The following PCDHGC4 variants were observed in gnomAD, a reference collection of about 807,000 sequenced individuals.
The protein encoded by PCDHGC4 is protocadherin gamma subfamily C, 4.
In PCDHGC4, 15 loss-of-function variants were observed where a neutral mutation model predicts 59.7. The observed-to-expected ratio is 0.25, with a 90% confidence interval of 0.17 to 0.39. The LOEUF is 0.39. PCDHGC4 is among the 10% of genes least tolerant of loss of function. PCDHGC4 has a pLI of 1.00. For missense variants in PCDHGC4, 1,016 were observed against 1,189.5 expected, an observed-to-expected ratio of 0.85 and a Z score of 2.15; for synonymous variants, 434 against 481.4, an observed-to-expected ratio of 0.90 and a Z score of 1.29.
chr5:141,487,404 C>A lies in PCDHGC4; in HGVS notation c.2231C>A (p.Pro744His), dbSNP rs771371344. 1.2e-6 allele frequency: 2 copies of A among 1,614,178 alleles called. No homozygotes were observed. Among genetic ancestry groups the A allele is most frequent in the Non-Finnish European group, 1.7e-6 (2 of 1,180,032 alleles). ...LTRSRRREGLPPSNGILRIQL... is the reference protein window; with the variant it reads ...LTRSRRREGLHPSNGILRIQL... ...AGATCTCGAAGGAGGGAGGGGCTTC[C>A]CCCTTCCAATGGGATCCTCCGAATC... is the stretch of plus-strand genomic sequence containing the variant. The change falls in exon 1 of 4, where the codon CCC becomes CAC. Residue 744 changes from proline to histidine, a missense_variant. Coordinates refer to ENST00000306593, the MANE Select transcript of PCDHGC4 (RefSeq NM_018928.3). The surrounding 1 kb of genome is among the most constrained non-coding windows in gnomAD (Gnocchi z 5.0).
At chr5:141,488,691 G>A (rs1443084778) in intron 1 of PCDHGC4, among the ~76,000 whole-genome samples, 2 of 152,192 alleles carry the variant, frequency 1.3e-5, no homozygotes, top group Non-Finnish European at 2.9e-5. Flanking sequence ...CTCCCAGAAG[G>A]ACAAGATTTT....
Position 141,485,741 on chromosome 5 carries a change from C to A in PCDHGC4, c.568C>A (p.Leu190Met). 6.2e-7 allele frequency: 1 copy of A among 1,614,180 alleles called. No homozygotes were observed. Among genetic ancestry groups the A allele is most frequent in the Non-Finnish European group, 8.5e-7 (1 of 1,179,992 alleles). Residue 190 changes from leucine to methionine, a missense_variant, in exon 1 of 4, where the codon CTG (leucine) becomes ATG (methionine). By Grantham distance (15) the Leu-to-Met change is conservative. Coordinates refer to ENST00000306593, the MANE Select transcript of PCDHGC4 (RefSeq NM_018928.3). This position sits in a 1 kb window ranked among gnomAD's most constrained non-coding sequence, Gnocchi z 5.7. ...TGTGAAGAAGCGCAGCGACGGCAGC[C>A]TGGTCCCAGAGCTGCTCCTGGAGAA... ...LDVKKRSDGS[L>M]VPELLLEKPL...
At chr5:141,507,797 C>T (rs933921827) in intron 3 of PCDHGC4, among the ~76,000 whole-genome samples, 3 of 152,240 alleles carry the variant, frequency 2.0e-5, no homozygotes, top group Non-Finnish European at 2.9e-5. Flanking sequence ...TCTAAGCCTG[C>T]GCCCTGGGGA....
intron 3 of PCDHGC4, chr5:141,508,010 CAAG>C (rs2099865550): frequency 6.6e-6 from 1 of 152,308 alleles, no homozygotes; most frequent in Non-Finnish European, 1.5e-5. Context: ...GGGATGCTCT[CAAG>C]GAGGCTGCGG....
In PCDHGC4 at chr5:141,487,737, T is replaced by G. The variant is rs1019622307; in HGVS notation, c.2442+122T>G. 1 of 1,563,758 alleles carries G rather than the reference T, an allele frequency of 6.4e-7. No homozygotes were observed. The highest frequency in any genetic ancestry group is 8.7e-7 in the Non-Finnish European group (1 of 1,152,772). On this transcript the variant is annotated intron_variant, in intron 1 of 3. Transcript: ENST00000306593. This position sits in a 1 kb window ranked among gnomAD's most constrained non-coding sequence, Gnocchi z 5.0. ...GCCCATAGTGATGTCACCATTTTTG[T>G]AAGAGGTAACTATGTGGTAGACGCT...
Position 141,486,812 on chromosome 5 carries a change from A to G in PCDHGC4, c.1639A>G (p.Ser547Gly), listed in dbSNP as rs781747283. 6.2e-7 allele frequency: 1 copy of G among 1,614,226 alleles called. No individual in the cohort carries two copies. The highest frequency in any genetic ancestry group is 8.5e-7 in the Non-Finnish European group (1 of 1,180,046). ...ARDRGNPPLS[S>G]TVTVRLFVLD... ...GGATCGGGGCAACCCACCCCTTAGC[A>G]GCACTGTAACAGTTCGTCTATTTGT... Residue 547 changes from serine (S) to glycine (G), a missense_variant, in exon 1 of 4, where the codon AGC (serine) becomes GGC (glycine). Ser to Gly is a moderately conservative substitution (Grantham distance 56). Transcript: ENST00000306593. This position sits in a 1 kb window ranked among gnomAD's most constrained non-coding sequence, Gnocchi z 5.0.
rs1184232947 is a variant in PCDHGC4 at position 141,487,060 on chromosome 5, G to T, written c.1887G>T (p.Arg629=). ...TCTCTCGATATGCTGGGGAGGTGCG[G>T]ACGGCTGTTCCTATCCCAGCTGACC... ...FAVSRYAGEV[R]TAVPIPADLP... Residue 629 remains arginine (R), a synonymous_variant, in exon 1 of 4, where the codon CGG becomes CGT. Transcript: ENST00000306593. This position sits in a 1 kb window ranked among gnomAD's most constrained non-coding sequence, Gnocchi z 5.0. The T allele has an allele frequency of 1.9e-6, 3 of 1,614,182 alleles. No individual in the cohort carries two copies. In the East Asian group the frequency reaches 6.7e-5, roughly 36 times the overall value.
chr5:141,487,041 G>C lies in PCDHGC4; in HGVS notation c.1868G>C (p.Arg623Pro), dbSNP rs149314216. Residue 623 changes from arginine to proline, a missense_variant, in exon 1 of 4, where the codon CGA (arginine) becomes CCA (proline). By Grantham distance (103) the Arg-to-Pro change is moderately radical. Coordinates refer to ENST00000306593, the MANE Select transcript of PCDHGC4 (RefSeq NM_018928.3). The surrounding 1 kb of genome is among the most constrained non-coding windows in gnomAD (Gnocchi z 5.0). ...GATCCCAGCCTGTTTGCAGTCTCTC[G>C]ATATGCTGGGGAGGTGCGGACGGCT... Reference protein sequence around the residue: ...APDPSLFAVSRYAGEVRTAVP... With the variant: ...APDPSLFAVSPYAGEVRTAVP... 2.5e-6 allele frequency: 4 copies of C among 1,614,018 alleles called. No homozygotes were observed. Among genetic ancestry groups the C allele is most frequent in the South Asian group, 2.2e-5 (2 of 91,084 alleles).
chr5:141,502,825 G>A (rs1487995525), intron 2 of PCDHGC4, among the ~76,000 whole-genome samples: 4 of 151,216 alleles, frequency 2.6e-5, no homozygotes, highest in South Asian at 2.1e-4. Flanking sequence ...TTTCCTTGGG[G>A]AAGCCTGGAC....
intron 2 of PCDHGC4, among the ~76,000 whole-genome samples, chr5:141,503,688 T>A (rs2099828724): frequency 6.6e-6 from 1 of 152,042 alleles, no homozygotes; most frequent in African/African-American, 2.4e-5. Context: ...GGAAGGAGAA[T>A]TGAGATTCCT....
chr5:141,505,832 T>G (rs1006398435), intron 3 of PCDHGC4, among the ~76,000 whole-genome samples: 1 of 152,188 alleles, frequency 6.6e-6, no homozygotes, highest in African/African-American at 2.4e-5. Flanking sequence ...AAACCTCAGT[T>G]TCCTCAGCCT....
At position 141,490,558 on chromosome 5, in the gene PCDHGC4, A is replaced by G. The variant is rs765890709; in HGVS notation, c.2442+2943A>G. 3.1e-5 allele frequency: 50 copies of G among 1,614,042 alleles called. No individual in the cohort carries two copies. The East Asian group carries it at 1.0e-3, about 34-fold the overall frequency. ...ACCTTCCCTACACAAACATCTCACC[A>G]TCAGGCTCAACATTTCAGATGTCAA... On this transcript the variant is annotated intron_variant, in intron 1 of 3. Transcript: ENST00000306593. This position sits in a 1 kb window ranked among gnomAD's most constrained non-coding sequence, Gnocchi z 5.4.
intron 2 of PCDHGC4, among the ~76,000 whole-genome samples, chr5:141,499,829 G>A (rs1322405697): frequency 6.6e-6 from 1 of 151,548 alleles, no homozygotes; most frequent in African/African-American, 2.4e-5. Context: ...TAGGATTACA[G>A]GTGTGCACCA....
chr5:141,504,287 T>C (rs1191226511), intron 2 of PCDHGC4, among the ~76,000 whole-genome samples: 2 of 152,166 alleles, frequency 1.3e-5, no homozygotes, highest in Non-Finnish European at 2.9e-5. Flanking sequence ...AATCATTTCA[T>C]GTTTTTTCAA....
In PCDHGC4 at chr5:141,489,201, G is replaced by A. The variant is rs757039294; in HGVS notation, c.2442+1586G>A. ...AGCCCTGGGTCTACCTTGGAGACAG[G>A]ACAGCACAGACTTACTCTCCACAAA... On this transcript the variant is annotated intron_variant, in intron 1 of 3. Coordinates refer to ENST00000306593, the MANE Select transcript of PCDHGC4 (RefSeq NM_018928.3). This position sits in a 1 kb window ranked among gnomAD's most constrained non-coding sequence, Gnocchi z 4.5. The A allele has an allele frequency of 7.8e-6, 11 of 1,416,092 alleles. No individual in the cohort carries two copies. In the African/African-American group the frequency reaches 1.3e-4, roughly 17 times the overall value. 87.7% of individuals were successfully genotyped at this position (1,416,092 alleles called of 1,614,324 possible).
chr5:141,495,000 G>A lies in PCDHGC4; in HGVS notation c.2501+135G>A, dbSNP rs191756104. ...AGTTTGAGATCCCAGGGAGGTCTTG[G>A]TGTGCGGGGGGCTGGCACACAGACC... On this transcript the variant is annotated intron_variant, in intron 2 of 3. Transcript: ENST00000306593. 1.3e-4 allele frequency: 202 copies of A among 1,531,656 alleles called. 2 individuals carry two copies. The African/African-American group carries it at 2.4e-3, about 19-fold the overall frequency. The allele number at this position is 1,531,656 out of a possible 1,614,324, so 94.9% of individuals were successfully genotyped here. A position where few individuals can be genotyped will look rare whatever the true frequency, so the allele number is the denominator to read the frequency against.
intron 2 of PCDHGC4, among the ~76,000 whole-genome samples, chr5:141,504,490 TGC>T (rs2099838709): frequency 6.6e-6 from 1 of 152,056 alleles, no homozygotes; most frequent in Non-Finnish European, 1.5e-5. Flanking sequence ...TGGAGGCACC[TGC>T]CCAGTCTGAG....
At position 141,491,834 on chromosome 5, in the gene PCDHGC4, C is replaced by T; in HGVS notation, c.2443-2973C>T. 6 of 1,473,830 alleles carry T rather than the reference C, an allele frequency of 4.1e-6. No homozygotes were observed. The highest frequency in any genetic ancestry group is 5.4e-6 in the Non-Finnish European group (6 of 1,112,366). The allele number at this position is 1,473,830 out of a possible 1,614,324, so 91.3% of individuals were successfully genotyped here. ...CGCTGGCTGCGCTCCACCCGATTCTCGGGATCATTGGACCGTTTGCGCGAA... is the reference window on the plus strand; with the variant it reads ...CGCTGGCTGCGCTCCACCCGATTCTTGGGATCATTGGACCGTTTGCGCGAA... On this transcript the variant is annotated intron_variant, in intron 1 of 3. Transcript: ENST00000306593. This position sits in a 1 kb window ranked among gnomAD's most constrained non-coding sequence, Gnocchi z 6.9.
chr5:141,488,866 G>C (rs957501628), intron 1 of PCDHGC4, among the ~76,000 whole-genome samples: 1 of 152,148 alleles, frequency 6.6e-6, no homozygotes, highest in East Asian at 1.9e-4. Context: ...GAAGTGAGTG[G>C]GGAGGTAGGA....
Sources: allele counts gnomAD v4.1 joint callset (sites outside exome capture counted in the v4.1 genomes callset), GRCh38; gene constraint gnomAD v4.1.1; non-coding constraint Gnocchi (gnomAD v3.1); transcripts MANE v1.5; gene names NCBI Gene and HGNC (gene_info 2026-07-23, HGNC 2026-07-21).